Variants in ATP8A2 observed in about 807,000 individuals in gnomAD.
ATP8A2 encodes ATPase phospholipid transporting 8A2, also known as phospholipid-transporting ATPase IB.
A neutral mutation model predicts 165.6 loss-of-function variants in ATP8A2; 100 were observed. That is an observed-to-expected ratio of 0.60 (90% CI 0.51 to 0.71). The LOEUF is 0.71. Ranked by LOEUF, ATP8A2 falls within the 30% of genes least tolerant of loss-of-function variation. The pLI is 0.00. For synonymous variants in ATP8A2, 543 were observed against 548.8 expected, an observed-to-expected ratio of 0.99 and a Z score of 0.15; for missense variants, 1,227 against 1,479.5, an observed-to-expected ratio of 0.83 and a Z score of 2.80.
At chr13:25,563,750 G>T (rs192819720) in intron 15 of ATP8A2, among the ~76,000 whole-genome samples, 1 of 151,934 alleles carries the variant, frequency 6.6e-6, no homozygotes, top group Non-Finnish European at 1.5e-5. Context: ...ACAATAACTC[G>T]TAAAGTATCT....
At chr13:25,510,605 A>G (rs1211476646) in intron 2 of ATP8A2, among the ~76,000 whole-genome samples, 1 of 152,168 alleles carries the variant, frequency 6.6e-6, no homozygotes, top group African/African-American at 2.4e-5. Context: ...TTAGACTCTT[A>G]TGGGGCAGAT....
intron 33 of ATP8A2, among the ~76,000 whole-genome samples, chr13:25,885,455 CCTCT>C (rs966296437): frequency 6.6e-6 from 1 of 152,024 alleles, no homozygotes; most frequent in African/African-American, 2.4e-5. Flanking sequence ...TGACCCTGGC[CCTCT>C]CTCCTTCTTT....
At chr13:25,911,455 C>T (rs1334447192) in intron 33 of ATP8A2, among the ~76,000 whole-genome samples, 1 of 152,104 alleles carries the variant, frequency 6.6e-6, no homozygotes, top group Middle Eastern at 3.2e-3. Flanking sequence ...ACCAAGGCAG[C>T]CCAGTGGGAG....
chr13:25,424,368 C>A (rs957815113), intron 1 of ATP8A2, among the ~76,000 whole-genome samples: 1 of 152,122 alleles, frequency 6.6e-6, no homozygotes, highest in Admixed American at 6.6e-5. Context: ...GCCTTAGATG[C>A]TCTGTAATCA....
At chr13:25,405,954 A>G (rs1395575967) in intron 1 of ATP8A2, among the ~76,000 whole-genome samples, 1 of 152,170 alleles carries the variant, frequency 6.6e-6, no homozygotes, top group African/African-American at 2.4e-5. Flanking sequence ...ATGTTGAGTC[A>G]TTCATCCATT....
intron 33 of ATP8A2, among the ~76,000 whole-genome samples, chr13:25,940,227 C>G (rs1955034627): frequency 6.6e-6 from 1 of 152,128 alleles, no homozygotes; most frequent in African/African-American, 2.4e-5. Flanking sequence ...AGTGAGGCCC[C>G]TTCCCGGTGG....
intron 27 of ATP8A2, among the ~76,000 whole-genome samples, chr13:25,786,168 T>G (rs1197020031): frequency 6.6e-6 from 1 of 152,212 alleles, no homozygotes; most frequent in East Asian, 1.9e-4. Flanking sequence ...AGGAAACTCA[T>G]CTCTCTTCTG....
At chr13:25,786,224 TA>T (rs1241401565) in intron 27 of ATP8A2, among the ~76,000 whole-genome samples, 1 of 152,220 alleles carries the variant, frequency 6.6e-6, no homozygotes, top group Non-Finnish European at 1.5e-5. Flanking sequence ...CATTGCGTTC[TA>T]ACGATACATC....
chr13:25,758,091 G>A (rs752783022), intron 25 of ATP8A2, among the ~76,000 whole-genome samples: 1 of 152,184 alleles, frequency 6.6e-6, no homozygotes, highest in African/African-American at 2.4e-5. Context: ...ACTCTTTACT[G>A]AATAGCTACC....
At chr13:25,527,771 A>T (rs578066588) in intron 2 of ATP8A2, among the ~76,000 whole-genome samples, 1 of 152,150 alleles carries the variant, frequency 6.6e-6, no homozygotes, top group East Asian at 1.9e-4. Flanking sequence ...GTTCTCAGGG[A>T]TATGTAGGTC....
chr13:25,895,122 A>G (rs1472459608), intron 33 of ATP8A2, among the ~76,000 whole-genome samples: 1 of 152,188 alleles, frequency 6.6e-6, no homozygotes, highest in Non-Finnish European at 1.5e-5. Flanking sequence ...CATTTTTCAA[A>G]AAGAATGCTT....
At position 25,837,034 on chromosome 13, in the gene ATP8A2, G is replaced by A. The variant is rs1951631525; in HGVS notation, c.2755-129G>A. 3 of 1,140,988 alleles carry A rather than the reference G, an allele frequency of 2.6e-6. No homozygotes were observed. The Admixed American group carries it at 6.9e-5, about 26-fold the overall frequency. 70.7% of individuals were successfully genotyped at this position (1,140,988 alleles called of 1,614,324 possible). The stretch of plus-strand genomic sequence containing the variant: ...ATTTCCTTTGTTTGGAGGGTGTCTG[G>A]GGATCTGTGAATCATGGAGTCTCAG... On this transcript the variant is annotated intron_variant, in intron 28 of 36. Coordinates refer to ENST00000381655, the MANE Select transcript of ATP8A2 (RefSeq NM_016529.6).
chr13:25,872,136 A>T (rs1952697217), intron 33 of ATP8A2, among the ~76,000 whole-genome samples: 2 of 147,072 alleles, frequency 1.4e-5, no homozygotes, highest in Admixed American at 1.4e-4. Flanking sequence ...TGTGACCCAA[A>T]CTGGTCAGCC....
chr13:25,561,028 A>G (rs2039134652), intron 15 of ATP8A2, among the ~76,000 whole-genome samples: 2 of 151,706 alleles, frequency 1.3e-5, no homozygotes, highest in South Asian at 4.2e-4. Context: ...CTGGGACTAC[A>G]GGCGCCCACC....
intron 27 of ATP8A2, among the ~76,000 whole-genome samples, chr13:25,788,301 T>C (rs1229750430): frequency 3.3e-5 from 5 of 152,234 alleles, no homozygotes; most frequent in Non-Finnish European, 7.3e-5. Flanking sequence ...TATTTTAAGG[T>C]ATTTAACATC....
intron 25 of ATP8A2, among the ~76,000 whole-genome samples, chr13:25,756,853 T>C (rs79248278): frequency 0.017 from 2,582 of 152,312 alleles, 81 homozygotes; most frequent in African/African-American, 0.058. Flanking sequence ...GCATAGGCTT[T>C]GGCTTAAGGA....
chr13:25,925,408 C>T (rs552277873), intron 33 of ATP8A2, among the ~76,000 whole-genome samples: 2 of 152,048 alleles, frequency 1.3e-5, no homozygotes, highest in East Asian at 3.9e-4. Context: ...GTGGCAGGCG[C>T]CTGTAGTCCC....
At chr13:25,827,358 A>G (rs577519262) in intron 27 of ATP8A2, among the ~76,000 whole-genome samples, 1 of 152,214 alleles carries the variant, frequency 6.6e-6, no homozygotes, top group East Asian at 1.9e-4. Context: ...GTGATCCGCC[A>G]ACCTCGGCTT....
intron 25 of ATP8A2, among the ~76,000 whole-genome samples, chr13:25,723,063 C>G: frequency 6.6e-6 from 1 of 152,214 alleles, no homozygotes; most frequent in Admixed American, 6.5e-5. Context: ...TTTACCTCAA[C>G]TTACTTTATT....
Sources: gnomAD v4.1 joint callset for allele counts (sites outside exome capture counted in the v4.1 genomes callset) on GRCh38, gnomAD v4.1.1 for gene constraint, MANE v1.5 for transcripts, NCBI Gene and HGNC (gene_info 2026-07-23, HGNC 2026-07-21) for gene names.